Variants in IGHMBP2 observed in about 807,000 individuals in gnomAD.
The protein encoded by IGHMBP2 is immunoglobulin mu DNA binding protein 2, also known as DNA-binding protein SMUBP-2.
In IGHMBP2, 81 loss-of-function variants were observed where a neutral mutation model predicts 96.0. That is an observed-to-expected ratio of 0.84 (90% CI 0.71 to 1.01). IGHMBP2 has a LOEUF of 1.01. IGHMBP2 is among the 50% of genes least tolerant of loss of function. The pLI, the probability that IGHMBP2 is intolerant of heterozygous loss-of-function variation, is 0.00. For missense variants in IGHMBP2, 1,227 were observed against 1,306.3 expected (o/e 0.94, Z 0.94); for synonymous variants, 557 against 548.9 (o/e 1.01, Z -0.21).
intron 11 of IGHMBP2, among the ~76,000 whole-genome samples, 179 bp from the exon 12 acceptor site, chr11:68,935,120 C>T (rs1211301893): frequency 2.0e-5 from 3 of 152,226 alleles, no homozygotes; most frequent in East Asian, 1.9e-4. Flanking sequence ...GTGGTATTGG[C>T]GTGCATGCGT....
Position 68,933,363 on chromosome 11 carries a change from G to T in IGHMBP2, c.1300G>T (p.Val434Leu). ...ERLAEEYGAR[V>L]VRTLTVQYRM... Reference sequence around the variant, plus strand: ...CCTGGCTGAGGAGTACGGCGCGAGGGTGGTGCGGACACTGACGGTGCAGTA... The same window carrying T: ...CCTGGCTGAGGAGTACGGCGCGAGGTTGGTGCGGACACTGACGGTGCAGTA... The change falls in exon 9 of 15, where the codon GTG (valine) becomes TTG (leucine). Residue 434 changes from valine to leucine, a missense_variant. Coordinates refer to ENST00000255078, the MANE Select transcript of IGHMBP2 (RefSeq NM_002180.3). The T allele has an allele frequency of 6.2e-7, 1 of 1,613,206 alleles. No individual in the cohort carries two copies. The highest frequency in any genetic ancestry group is 2.2e-5 in the East Asian group (1 of 44,866).
intron 7 of IGHMBP2, among the ~76,000 whole-genome samples, chr11:68,924,063 G>T (rs1282932962): frequency 6.6e-6 from 1 of 152,072 alleles, no homozygotes; most frequent in Non-Finnish European, 1.5e-5. Context: ...CGTTATTCAG[G>T]GGTTACTTTT....
intron 6 of IGHMBP2, among the ~76,000 whole-genome samples, chr11:68,915,672 G>A (rs1858634668): frequency 1.3e-5 from 2 of 150,552 alleles, no homozygotes; most frequent in South Asian, 2.1e-4. Flanking sequence ...TAGTAGAGAC[G>A]GGGGTTTCGC....
intron 7 of IGHMBP2, among the ~76,000 whole-genome samples, chr11:68,925,402 G>A (rs1238064657): frequency 2.0e-5 from 3 of 152,032 alleles, no homozygotes; most frequent in Non-Finnish European, 4.4e-5. Flanking sequence ...GCCCACCTTG[G>A]CCTCCCAAAG....
intron 6 of IGHMBP2, among the ~76,000 whole-genome samples, chr11:68,917,391 C>T (rs137901138): frequency 1.4e-4 from 21 of 152,276 alleles, no homozygotes; most frequent in African/African-American, 4.8e-4. Flanking sequence ...TCTCTCTATT[C>T]GTAAGCTCCT....
In IGHMBP2 at chr11:68,903,943, G is replaced by A. The variant is rs1236607894; in HGVS notation, c.-10G>A. 2.5e-6 allele frequency: 4 copies of A among 1,580,296 alleles called. No homozygotes were observed. The highest frequency in any genetic ancestry group is 3.7e-5 in the Admixed American group (2 of 54,130). On this transcript the variant is annotated 5_prime_UTR_variant, in exon 1 of 15. Coordinates refer to ENST00000255078, the MANE Select transcript of IGHMBP2 (RefSeq NM_002180.3). ...ACGTCGGCTTCTAGGGGCCCAGGCC[G>A]GCGGCGGCGATGGCCTCGGCAGCTG...
intron 4 of IGHMBP2, 52 bp from the exon 5 acceptor site, chr11:68,911,388 C>CCCACAGAGCT: frequency 6.3e-7 from 1 of 1,592,432 alleles, no homozygotes; most frequent in Admixed American, 1.7e-5. Context: ...AGGAGGAACA[C>CCCACAGAGCT]CCACAGAGCT....
At chr11:68,935,956 C>T (rs1338942715) in intron 12 of IGHMBP2, among the ~76,000 whole-genome samples, 2 of 152,226 alleles carry the variant, frequency 1.3e-5, no homozygotes, top group Non-Finnish European at 2.9e-5. Context: ...TCCCTGGTGC[C>T]AGCTGCAGCC....
At chr11:68,937,431 G>A (rs900252726) in intron 13 of IGHMBP2, among the ~76,000 whole-genome samples, 2 of 152,252 alleles carry the variant, frequency 1.3e-5, no homozygotes, top group Non-Finnish European at 2.9e-5. Flanking sequence ...GGGGTCCCAT[G>A]CAACATGTGG....
At chr11:68,908,682 A>G (rs1466643181) in intron 4 of IGHMBP2, 51 bp downstream of exon 4, 1 of 1,265,440 alleles carries the variant, frequency 7.9e-7, no homozygotes, top group Non-Finnish European at 1.2e-6. Flanking sequence ...CTGAAAGTAT[A>G]GAGAACAGTG....
Position 68,939,838 on chromosome 11 carries a change from TG to T in IGHMBP2, c.*112del. On this transcript the variant is annotated 3_prime_UTR_variant, in exon 15 of 15. Transcript: ENST00000255078. ...GGCCACAGAGGAGCGGAGGGGCCTA[TG>T]GGGGAGGAGCGGAGGGCCCTGTTGG... is the stretch of plus-strand genomic sequence containing the variant. The T allele has an allele frequency of 3.3e-6, 4 of 1,229,640 alleles. No homozygotes were observed. The highest frequency in any genetic ancestry group is 3.0e-5 in the African/African-American group (2 of 66,204). 76.2% of individuals were successfully genotyped at this position (1,229,640 alleles called of 1,614,324 possible).
intron 4 of IGHMBP2, among the ~76,000 whole-genome samples, chr11:68,909,353 T>C (rs1245329639): frequency 6.6e-6 from 1 of 151,934 alleles, no homozygotes; most frequent in Admixed American, 6.6e-5. Context: ...CTAATTTTTG[T>C]ATTTTTAGTG....
At chr11:68,926,811 G>A (rs538347380) in intron 7 of IGHMBP2, among the ~76,000 whole-genome samples, 1 of 151,964 alleles carries the variant, frequency 6.6e-6, no homozygotes, top group African/African-American at 2.4e-5. Flanking sequence ...TGTTGCTCAG[G>A]CTGGAGTGCC....
In IGHMBP2 at chr11:68,936,938, A is replaced by G. The variant is rs1566447241; in HGVS notation, c.2458A>G (p.Arg820Gly). ...CCCTGCGCAGACAGAGCAGCCTCCC[A>G]GGGAGCAGCGTGGCCCAGACCAGCC... Reference protein sequence around the residue: ...PTPAQTEQPPREQRGPDQPDL... With the variant: ...PTPAQTEQPPGEQRGPDQPDL... Residue 820 changes from arginine (R) to glycine (G), a missense_variant, in exon 13 of 15, where the codon AGG becomes GGG. Around this residue, in one of 3 missense-constraint regions of IGHMBP2, gnomAD observed 703 missense variants for 770.3 expected, o/e 0.91. Coordinates refer to ENST00000255078, the MANE Select transcript of IGHMBP2 (RefSeq NM_002180.3). 3 of 1,604,046 alleles carry G rather than the reference A, an allele frequency of 1.9e-6. No individual in the cohort carries two copies. The highest frequency in any genetic ancestry group is 2.6e-6 in the Non-Finnish European group (3 of 1,175,740).
At chr11:68,908,672 C>G (rs748121628) in intron 4 of IGHMBP2, 41 bp downstream of exon 4, 21 of 1,351,162 alleles carry the variant, frequency 1.6e-5, no homozygotes, top group Non-Finnish European at 1.7e-5. Flanking sequence ...GAAATCACTA[C>G]TGAAAGTATA....
chr11:68,933,250 G>T (rs762059067), intron 8 of IGHMBP2, 49 bp from the exon 9 acceptor site: 1 of 1,563,424 alleles, frequency 6.4e-7, no homozygotes, highest in South Asian at 1.2e-5. Flanking sequence ...TTCACACCTG[G>T]ACTCTGGGGC....
intron 11 of IGHMBP2, among the ~76,000 whole-genome samples, chr11:68,934,965 A>G (rs1318079821): frequency 2.0e-5 from 3 of 152,214 alleles, no homozygotes; most frequent in Non-Finnish European, 4.4e-5. Context: ...CTCATTTGGT[A>G]GGAAAAATGT....
intron 8 of IGHMBP2, chr11:68,932,792 A>G (rs1458208665): frequency 5.9e-6 from 1 of 168,268 alleles, no homozygotes; most frequent in Non-Finnish European, 1.3e-5. Flanking sequence ...GTCCAAAATC[A>G]GACTCACCGG....
At chr11:68,939,267 G>A (rs1016560414) in intron 14 of IGHMBP2, among the ~76,000 whole-genome samples, 2 of 152,098 alleles carry the variant, frequency 1.3e-5, no homozygotes, top group Non-Finnish European at 2.9e-5. Flanking sequence ...AGGCTGGGAG[G>A]CAGTGGGAAG....
Sources: allele counts gnomAD v4.1 joint callset (sites outside exome capture counted in the v4.1 genomes callset), GRCh38; gene constraint gnomAD v4.1.1; regional missense constraint gnomAD v4.1.1; transcripts MANE v1.5; gene names NCBI Gene and HGNC (gene_info 2026-07-23, HGNC 2026-07-21).